Variants in SPMIP2 observed in about 807,000 individuals in gnomAD.
The protein encoded by SPMIP2 is sperm microtubule inner protein 2.
the SPMIP2 span, among the ~76,000 whole-genome samples, chr4:159,024,834 A>G: frequency 6.6e-6 from 1 of 152,244 alleles, no homozygotes; most frequent in Non-Finnish European, 1.5e-5. Flanking sequence ...CATCACAAAT[A>G]ACTTCATCTT....
chr4:158,917,052 C>G, the SPMIP2 span, among the ~76,000 whole-genome samples: 2 of 152,154 alleles, frequency 1.3e-5, no homozygotes, highest in Non-Finnish European at 2.9e-5. Flanking sequence ...GGATCAAGAC[C>G]ATCCTGGCCA....
chr4:158,915,420 T>G, the SPMIP2 span: 4 of 1,363,930 alleles, frequency 2.9e-6, no homozygotes, highest in East Asian at 9.7e-5. Flanking sequence ...CCACCAGTTT[T>G]CAGATAGTTG....
chr4:159,029,273 A>G, the SPMIP2 span, among the ~76,000 whole-genome samples: 1 of 152,218 alleles, frequency 6.6e-6, no homozygotes, highest in East Asian at 1.9e-4. Flanking sequence ...AATTATAGAA[A>G]TCAGAACAGC....
At chr4:159,030,970 T>C in the SPMIP2 span, among the ~76,000 whole-genome samples, 2 of 152,218 alleles carry the variant, frequency 1.3e-5, no homozygotes, top group Admixed American at 6.5e-5. Flanking sequence ...TTTCTCATGA[T>C]ATTTTGTTGT....
chr4:159,067,717 C>T, the SPMIP2 span, among the ~76,000 whole-genome samples: 1 of 152,138 alleles, frequency 6.6e-6, no homozygotes, highest in African/African-American at 2.4e-5. Flanking sequence ...TCAGAGTGAA[C>T]AGGCAACCTA....
chr4:158,978,760 C>A, the SPMIP2 span, among the ~76,000 whole-genome samples: 1 of 151,524 alleles, frequency 6.6e-6, no homozygotes, highest in Non-Finnish European at 1.5e-5. Flanking sequence ...TTTTGCTTTC[C>A]ACTTACTTTG....
chr4:158,904,366 TTAGTACC>T, the SPMIP2 span: 3 of 1,056,146 alleles, frequency 2.8e-6, no homozygotes, highest in East Asian at 7.4e-5. Context: ...TCTATCAAAC[TTAGTACC>T]TAGAAATAAT....
chr4:159,007,326 G>A, the SPMIP2 span: 2 of 747,786 alleles, frequency 2.7e-6, no homozygotes, highest in Non-Finnish European at 2.4e-6. Flanking sequence ...CTCATCCCAG[G>A]CCCTCCACCC....
chr4:159,007,390 T>TG, the SPMIP2 span: 4 of 673,324 alleles, frequency 5.9e-6, no homozygotes, highest in Non-Finnish European at 1.1e-5. Flanking sequence ...TCCCTAAGAG[T>TG]GGATTTCTCC....
At chr4:158,995,123 GC>G in the SPMIP2 span, among the ~76,000 whole-genome samples, 1 of 151,960 alleles carries the variant, frequency 6.6e-6, no homozygotes, top group Non-Finnish European at 1.5e-5. Flanking sequence ...TTGCTGTGTT[GC>G]CCAGACTGAT....
the SPMIP2 span, among the ~76,000 whole-genome samples, chr4:159,036,325 A>G: frequency 1.3e-5 from 2 of 152,242 alleles, no homozygotes; most frequent in African/African-American, 2.4e-5. Flanking sequence ...AAGGACTGTC[A>G]GCAGACAGTG....
chr4:159,074,846 C>T, the SPMIP2 span, among the ~76,000 whole-genome samples: 6 of 152,074 alleles, frequency 3.9e-5, no homozygotes. Flanking sequence ...GGGACACTCA[C>T]ATTAGGGATT....
At chr4:158,900,781 T>C in the SPMIP2 span, among the ~76,000 whole-genome samples, 1 of 152,226 alleles carries the variant, frequency 6.6e-6, no homozygotes, top group Admixed American at 6.5e-5. Flanking sequence ...TCTTGACTCT[T>C]TATCCAGTTT....
At chr4:159,045,054 G>GCA in the SPMIP2 span, among the ~76,000 whole-genome samples, 8 of 151,100 alleles carry the variant, frequency 5.3e-5, no homozygotes, top group Non-Finnish European at 1.2e-4. Flanking sequence ...TTATACCACT[G>GCA]CACTCTAGCC....
the SPMIP2 span, among the ~76,000 whole-genome samples, chr4:159,019,291 C>T: frequency 1.1e-3 from 70 of 65,706 alleles, no homozygotes; most frequent in African/African-American, 4.6e-3. Flanking sequence ...TTTGAGACTC[C>T]GTCTCAAAAA....
the SPMIP2 span, among the ~76,000 whole-genome samples, chr4:159,057,929 A>G: frequency 6.6e-6 from 1 of 152,032 alleles, no homozygotes; most frequent in Non-Finnish European, 1.5e-5. Context: ...CAGTGGTGGG[A>G]TCTCGGCTCA....
chr4:159,007,520 G>A, the SPMIP2 span: 2 of 858,988 alleles, frequency 2.3e-6, no homozygotes, highest in East Asian at 3.3e-5. Flanking sequence ...GATTGAAGAT[G>A]GATGATTTTG....
At chr4:159,056,138 A>G in the SPMIP2 span, among the ~76,000 whole-genome samples, 1 of 152,216 alleles carries the variant, frequency 6.6e-6, no homozygotes, top group Non-Finnish European at 1.5e-5. Flanking sequence ...TAGAGACTAT[A>G]GCAATATGCA....
At chr4:158,920,658 CCT>C in the SPMIP2 span, among the ~76,000 whole-genome samples, 1 of 152,148 alleles carries the variant, frequency 6.6e-6, no homozygotes, top group Admixed American at 6.6e-5. Flanking sequence ...GCTCTTGAAC[CCT>C]GTTTTCTATT....
Sources: gnomAD v4.1 joint callset for allele counts (sites outside exome capture counted in the v4.1 genomes callset) on GRCh38, gnomAD v4.1.1 for gene constraint, MANE v1.5 for transcripts, NCBI Gene and HGNC (gene_info 2026-07-23, HGNC 2026-07-21) for gene names.